Variants in COLEC10 observed in about 807,000 individuals in gnomAD.
COLEC10 encodes the protein collectin-10.
In COLEC10, 22 loss-of-function variants were observed where a neutral mutation model predicts 28.4. That is an observed-to-expected ratio of 0.78 (90% CI 0.55 to 1.11). The LOEUF (loss-of-function observed/expected upper bound fraction) is 1.11, where lower values mean the gene tolerates loss of function less well. COLEC10 is among the 50% of genes least tolerant of loss of function. COLEC10 has a pLI of 0.00. For synonymous variants in COLEC10, 125 were observed against 116.1 expected (o/e 1.08, Z -0.49); for missense variants, 361 against 344.1 (o/e 1.05, Z -0.39).
chr8:119,050,065 TTTCCTGGTAATAATAGTCCC>T (rs1183669239), intron 2 of COLEC10, among the ~76,000 whole-genome samples: 4 of 152,176 alleles, frequency 2.6e-5, no homozygotes, highest in Admixed American at 2.6e-4. Flanking sequence ...AAAGCAACTC[TTTCCTGGTAATAATAGTCCC>T]TACTTGGCTT....
At chr8:118,988,731 C>G in the COLEC10 span, among the ~76,000 whole-genome samples, 1 of 152,172 alleles carries the variant, frequency 6.6e-6, no homozygotes, top group African/African-American at 2.4e-5. Context: ...GACACAGACT[C>G]TCTGAGGACT....
intron 2 of COLEC10, among the ~76,000 whole-genome samples, chr8:119,029,296 A>G (rs1156725885): frequency 1.3e-5 from 2 of 152,190 alleles, no homozygotes; most frequent in Non-Finnish European, 2.9e-5. Context: ...ATTAGATTAT[A>G]AAAAGGCAAA....
chr8:119,028,039 G>C (rs78308935), intron 2 of COLEC10, among the ~76,000 whole-genome samples: 6,665 of 152,208 alleles, frequency 0.044, 212 homozygotes, highest in East Asian at 0.16. Flanking sequence ...TTAAATGAGA[G>C]AATGCACTCA....
At chr8:119,104,627 T>G (rs1487432828) in intron 5 of COLEC10, among the ~76,000 whole-genome samples, 1 of 152,160 alleles carries the variant, frequency 6.6e-6, no homozygotes, top group Non-Finnish European at 1.5e-5. Flanking sequence ...TTTCTTATAC[T>G]TTCATTTATT....
In COLEC10 at chr8:119,026,705, G is replaced by C. The variant is rs1814198557; in HGVS notation, n.235+17152G>C. Among the ~76,000 whole-genome samples, 3 of 152,160 alleles carry C rather than the reference G, an allele frequency of 2.0e-5. No individual in the cohort carries two copies. In the South Asian group the frequency reaches 6.2e-4, roughly 32 times the overall value. On this transcript the variant is annotated intron_variant and non_coding_transcript_variant, in intron 2 of 6. Coordinates refer to the COLEC10 transcript ENST00000521788. ...GTGCTGTTGAGATCAACACCTGTGG[G>C]GGTTAGGGAAGAAATCAGGTTTGGG...
chr8:118,966,226 A>G, the COLEC10 span, among the ~76,000 whole-genome samples: 2 of 152,166 alleles, frequency 1.3e-5, no homozygotes, highest in African/African-American at 4.8e-5. Flanking sequence ...TTGATTATAC[A>G]TGGAAAGTCA....
the COLEC10 span, among the ~76,000 whole-genome samples, chr8:118,964,272 A>AATT: frequency 6.6e-6 from 1 of 152,142 alleles, no homozygotes; most frequent in African/African-American, 2.4e-5. Context: ...ATGCACTTTT[A>AATT]ATTATATTTT....
intron 1 of COLEC10, among the ~76,000 whole-genome samples, chr8:119,077,243 A>ATTTTTTTTTTTTTTTTTTT (rs762180766): frequency 5.5e-5 from 5 of 90,284 alleles, no homozygotes; most frequent in Non-Finnish European, 8.6e-5. Context: ...GTAGAGAATG[A>ATTTTTTTTTTTTTTTTTTT]TTTTTTTTTT....
chr8:119,005,611 T>G (rs2130072390), intron 1 of COLEC10, among the ~76,000 whole-genome samples: 1 of 152,244 alleles, frequency 6.6e-6, no homozygotes, highest in African/African-American at 2.4e-5. Context: ...ATAAATTACC[T>G]TTATGTAATC....
the COLEC10 span, among the ~76,000 whole-genome samples, chr8:118,975,473 A>C: frequency 6.6e-6 from 1 of 152,018 alleles, no homozygotes; most frequent in African/African-American, 2.4e-5. Context: ...CATTATTGTC[A>C]GATACTGTAT....
intron 2 of COLEC10, among the ~76,000 whole-genome samples, chr8:119,061,810 A>G (rs1304563416): frequency 6.6e-6 from 1 of 152,152 alleles, no homozygotes; most frequent in Non-Finnish European, 1.5e-5. Flanking sequence ...ACCAATTCCT[A>G]GAAAATAGTC....
rs1006410748 is a variant in COLEC10 at position 119,014,244 on chromosome 8, C to T, written n.235+4691C>T. Among the ~76,000 whole-genome samples, 12 of 150,570 alleles carry T rather than the reference C, an allele frequency of 8.0e-5. 1 individual carries two copies. The highest frequency in any genetic ancestry group is 2.5e-4 in the African/African-American group (10 of 40,186). The stretch of plus-strand genomic sequence containing the variant: ...AAAGAATTTCTTTTAACATTTCTTG[C>T]AAGGTTGCTCTACCGGCATCAAATT... On this transcript the variant is annotated intron_variant and non_coding_transcript_variant, in intron 2 of 6. Transcript: ENST00000521788.
the COLEC10 span, among the ~76,000 whole-genome samples, chr8:118,963,917 A>G: frequency 1.3e-5 from 2 of 152,170 alleles, no homozygotes; most frequent in Admixed American, 6.5e-5. Context: ...AACGAAATGG[A>G]TATGAGCCTT....
chr8:118,962,688 AC>A, the COLEC10 span, among the ~76,000 whole-genome samples: 1 of 152,244 alleles, frequency 6.6e-6, no homozygotes, highest in Non-Finnish European at 1.5e-5. Flanking sequence ...AATTATAAAT[AC>A]TGTGTTATAC....
chr8:119,019,330 C>T (rs1814051705), intron 2 of COLEC10, among the ~76,000 whole-genome samples: 2 of 152,078 alleles, frequency 1.3e-5, no homozygotes, highest in Admixed American at 1.3e-4. Context: ...CAGTGCAGTC[C>T]GTATTGAAGG....
chr8:118,973,385 C>G, the COLEC10 span, among the ~76,000 whole-genome samples: 2 of 152,018 alleles, frequency 1.3e-5, no homozygotes, highest in Admixed American at 1.3e-4. Context: ...GAAGGCATGA[C>G]TGGGGAAAGA....
chr8:119,075,333 C>T (rs986348881), intron 1 of COLEC10, among the ~76,000 whole-genome samples: 3 of 152,142 alleles, frequency 2.0e-5, no homozygotes, highest in African/African-American at 7.2e-5. Flanking sequence ...TTGCATTATG[C>T]ATTGGATGTG....
chr8:119,046,654 A>T (rs1310832031), intron 2 of COLEC10, among the ~76,000 whole-genome samples: 1 of 152,220 alleles, frequency 6.6e-6, no homozygotes, highest in Non-Finnish European at 1.5e-5. Flanking sequence ...CACACATTTA[A>T]TCTCTGAGTT....
At chr8:119,028,358 C>T (rs1814230948) in intron 2 of COLEC10, among the ~76,000 whole-genome samples, 1 of 152,076 alleles carries the variant, frequency 6.6e-6, no homozygotes, top group Admixed American at 6.6e-5. Context: ...CATTTACATG[C>T]TGCTTATAAA....
Sources: allele counts gnomAD v4.1 joint callset (sites outside exome capture counted in the v4.1 genomes callset), GRCh38; gene constraint gnomAD v4.1.1; transcripts MANE v1.5; gene names NCBI Gene and HGNC (gene_info 2026-07-23, HGNC 2026-07-21).